Variants in ITCH observed in about 807,000 individuals in gnomAD.
ITCH encodes the protein itchy E3 ubiquitin protein ligase.
In ITCH, 28 loss-of-function variants were observed where a neutral mutation model predicts 126.8. The ratio of observed to expected loss-of-function variants is 0.22; its 90% CI spans 0.16 to 0.30. The LOEUF (loss-of-function observed/expected upper bound fraction) is 0.30, where lower values mean the gene tolerates loss of function less well. ITCH is among the 10% of genes least tolerant of loss of function. The pLI, the probability that ITCH is intolerant of heterozygous loss-of-function variation, is 1.00. For synonymous variants in ITCH, 342 were observed against 340.0 expected (o/e 1.01, Z -0.06); for missense variants, 631 against 1,032.4 (o/e 0.61, Z 5.33).
chr20:34,409,861 T>A (rs2146152604), intron 4 of ITCH, among the ~76,000 whole-genome samples: 1 of 152,148 alleles, frequency 6.6e-6, no homozygotes, highest in Admixed American at 6.5e-5. Flanking sequence ...TTTTTAAAAT[T>A]AAAATAGAAG....
rs35568544 is a variant in ITCH at position 34,509,268 on chromosome 20, A to G, written c.*1474A>G. The stretch of plus-strand genomic sequence containing the variant: ...ATAAATTTGACTTCATTGGCAGTGG[A>G]TGAAGCCTAAGCCAGCTGAGTCTCT... On this transcript the variant is annotated 3_prime_UTR_variant, in exon 25 of 25. Transcript: ENST00000374864. 1 of 152,342 alleles carries G rather than the reference A, an allele frequency of 6.6e-6. No homozygotes were observed. Among genetic ancestry groups the G allele is most frequent in the East Asian group, 1.9e-4 (1 of 5,202 alleles). 9.4% of individuals were successfully genotyped at this position (152,342 alleles called of 1,614,324 possible).
At chr20:34,476,467 G>T in intron 16 of ITCH, 1 of 1,216,154 alleles carries the variant, frequency 8.2e-7, no homozygotes, top group Non-Finnish European at 1.0e-6. Context: ...GCCCCCAGCG[G>T]CAGCCATCGC....
In ITCH at chr20:34,413,870, T is replaced by C; in HGVS notation, c.466T>C (p.Cys156Arg). The change falls in exon 6 of 25, where the codon TGT becomes CGT. Residue 156 changes from cysteine (C) to arginine (R), a missense_variant. Coordinates refer to ENST00000374864, the MANE Select transcript of ITCH (RefSeq NM_031483.7). ...AGTTGTTACCAATGGTGAAACTACA[T>C]GTTCAGAAAGTAAGTGACTACCTTT... ...SEVVTNGETT[C>R]SESASQNDDG... 6.2e-7 allele frequency: 1 copy of C among 1,613,280 alleles called. No homozygotes were observed. Among genetic ancestry groups the C allele is most frequent in the African/African-American group, 1.3e-5 (1 of 75,020 alleles).
chr20:34,486,258 G>A (rs1453768671), intron 20 of ITCH, among the ~76,000 whole-genome samples: 5 of 151,202 alleles, frequency 3.3e-5, no homozygotes, highest in East Asian at 1.9e-4. Flanking sequence ...GGATCCAAAC[G>A]ATACTCCCAC....
intron 20 of ITCH, among the ~76,000 whole-genome samples, chr20:34,486,112 T>G (rs1038567751): frequency 2.0e-5 from 3 of 151,990 alleles, no homozygotes; most frequent in Non-Finnish European, 4.4e-5. Flanking sequence ...CCTCCTGAGC[T>G]CCAGATAGCC....
chr20:34,450,277 A>G (rs1985034318), intron 12 of ITCH, among the ~76,000 whole-genome samples: 3 of 152,214 alleles, frequency 2.0e-5, no homozygotes, highest in Non-Finnish European at 4.4e-5. Context: ...TCCTGTGAGT[A>G]ATAATTAATT....
At chr20:34,456,182 GTGTA>G (rs1237051734) in intron 12 of ITCH, among the ~76,000 whole-genome samples, 89 of 37,180 alleles carry the variant, frequency 2.4e-3, no homozygotes, top group East Asian at 0.014. Context: ...GTGTGTGTGT[GTGTA>G]TATATATATA....
At chr20:34,395,089 T>C (rs2038627011) in intron 3 of ITCH, among the ~76,000 whole-genome samples, 1 of 151,900 alleles carries the variant, frequency 6.6e-6, no homozygotes, top group African/African-American at 2.4e-5. Flanking sequence ...AAAAATTAGC[T>C]GTGCGTGGCG....
chr20:34,455,694 T>C, intron 12 of ITCH, among the ~76,000 whole-genome samples: 1 of 151,342 alleles, frequency 6.6e-6, no homozygotes, highest in East Asian at 1.9e-4. Flanking sequence ...CCCAGGTTGG[T>C]CTTGAACTCC....
chr20:34,422,799 AT>A lies in ITCH; in HGVS notation c.476-1668del, dbSNP rs967184082. The stretch of plus-strand genomic sequence containing the variant: ...CCACAGGCAACCACCACTAATCTGT[AT>A]TTTTTTTTTTTTGAGACGGAGTTTC... On this transcript the variant is annotated intron_variant, in intron 6 of 24. Transcript: ENST00000374864. Among the ~76,000 whole-genome samples the A allele has an allele frequency of 2.9e-3, 414 of 144,684 alleles. 1 individual carries two copies. Among genetic ancestry groups the A allele is most frequent in the African/African-American group, 6.8e-3 (271 of 39,728 alleles). The allele number at this position is 144,684 out of a possible 152,430, so 94.9% of individuals were successfully genotyped here.
At chr20:34,399,423 A>T (rs376533209) in intron 3 of ITCH, among the ~76,000 whole-genome samples, 1 of 152,116 alleles carries the variant, frequency 6.6e-6, no homozygotes, top group African/African-American at 2.4e-5. Context: ...AAAATAAACA[A>T]ATGTCACCAT....
chr20:34,469,999 T>C, intron 14 of ITCH, 49 bp from the exon 15 acceptor site: 1 of 1,468,462 alleles, frequency 6.8e-7, no homozygotes, highest in Non-Finnish European at 9.5e-7. Flanking sequence ...TTCAGCATTA[T>C]CTTTTACAAG....
intron 3 of ITCH, chr20:34,402,583 A>G (rs2038925250): frequency 2.9e-6 from 2 of 688,016 alleles, no homozygotes; most frequent in Admixed American, 2.0e-5. Flanking sequence ...TCTACCAGTC[A>G]TAATTGTTAT....
intron 16 of ITCH, among the ~76,000 whole-genome samples, chr20:34,472,372 T>TA (rs527802058): frequency 0.034 from 2,712 of 79,506 alleles, 76 homozygotes; most frequent in African/African-American, 0.079. Context: ...CATCTCAATT[T>TA]AAAAAAAAAA....
At chr20:34,370,637 C>G (rs538548188) in intron 2 of ITCH, among the ~76,000 whole-genome samples, 1 of 147,160 alleles carries the variant, frequency 6.8e-6, no homozygotes, top group East Asian at 2.0e-4. Flanking sequence ...ATACTCCAGC[C>G]TGGGCAACAG....
At chr20:34,393,711 A>G (rs1257396083) in intron 2 of ITCH, 80 bp from the exon 3 acceptor site, 1 of 863,248 alleles carries the variant, frequency 1.2e-6, no homozygotes, top group Non-Finnish European at 2.0e-6. Flanking sequence ...CTTCAGTAAT[A>G]AATAGCCAGG....
intron 21 of ITCH, 39 bp from the exon 22 acceptor site, chr20:34,489,783 G>T: frequency 1.5e-6 from 2 of 1,376,930 alleles, no homozygotes; most frequent in African/African-American, 2.8e-5. Context: ...TTTTTGTACA[G>T]TTACCTTAGG....
At chr20:34,466,164 T>C (rs1339082348) in intron 14 of ITCH, among the ~76,000 whole-genome samples, 1 of 142,192 alleles carries the variant, frequency 7.0e-6, no homozygotes, top group African/African-American at 2.6e-5. Flanking sequence ...TTGGTATCAA[T>C]TGAGATGATC....
intron 12 of ITCH, among the ~76,000 whole-genome samples, chr20:34,456,190 A>G (rs570324840): frequency 0.013 from 562 of 43,640 alleles, 5 homozygotes; most frequent in African/African-American, 0.066. Context: ...GTGTGTATAT[A>G]TATATATATA....
Sources: allele counts gnomAD v4.1 joint callset (sites outside exome capture counted in the v4.1 genomes callset), GRCh38; gene constraint gnomAD v4.1.1; transcripts MANE v1.5; gene names NCBI Gene and HGNC (gene_info 2026-07-23, HGNC 2026-07-21).